LAMA4: variants seen among roughly 807,000 people sequenced by gnomAD.
LAMA4 encodes laminin subunit alpha 4.
In LAMA4, 127 loss-of-function variants were observed where a neutral mutation model predicts 207.1. The ratio of observed to expected loss-of-function variants is 0.61; its 90% CI spans 0.53 to 0.71. The LOEUF (loss-of-function observed/expected upper bound fraction) is 0.71, where lower values mean the gene tolerates loss of function less well. Ranked by LOEUF, LAMA4 falls within the 30% of genes least tolerant of loss-of-function variation. The pLI is 0.00. For missense variants in LAMA4, 2,093 were observed against 2,246.5 expected, an observed-to-expected ratio of 0.93 and a Z score of 1.38; for synonymous variants, 761 against 816.0, an observed-to-expected ratio of 0.93 and a Z score of 1.15.
intron 7 of LAMA4, among the ~76,000 whole-genome samples, chr6:112,187,872 G>C (rs2114942890): frequency 6.6e-6 from 1 of 152,246 alleles, no homozygotes; most frequent in African/African-American, 2.4e-5. Flanking sequence ...GGAGGGCACA[G>C]CTCCTCCTCA....
Position 112,253,988 on chromosome 6 carries a change from C to T in LAMA4, c.163G>A (p.Val55Met). 1 of 1,585,658 alleles carries T rather than the reference C, an allele frequency of 6.3e-7. No individual in the cohort carries two copies. Among genetic ancestry groups the T allele is most frequent in the Non-Finnish European group, 8.6e-7 (1 of 1,165,466 alleles). ...QDPPETSEPR[V>M]ALGRLPPAAE... ...GCAGGCGGCAGGCGTCCCAGAGCCA[C>T]GCGGGGTTCGCTCGTCTCAGGCGGG... The change falls in exon 2 of 39, where the codon GTG becomes ATG. Residue 55 changes from valine (V) to methionine (M), a missense_variant. Around this residue, in one of 3 missense-constraint regions of LAMA4, gnomAD observed 1,704 missense variants for 1,788.4 expected, o/e 0.95. Coordinates refer to ENST00000230538, the MANE Select transcript of LAMA4 (RefSeq NM_001105206.3).
In LAMA4 at chr6:112,119,289, C is replaced by A. The variant is rs1554325278; in HGVS notation, c.4688G>T (p.Ser1563Ile). 1.9e-6 allele frequency: 3 copies of A among 1,613,888 alleles called. No individual in the cohort carries two copies. The highest frequency in any genetic ancestry group is 2.5e-6 in the Non-Finnish European group (3 of 1,179,928). ...ACCATCAATTACCAGTCGGCCACTG[C>A]TCCTTTCTCGAATAAATATCACCTG... ...WHDVIFIRER[S>I]SGRLVIDGLR... Residue 1563 changes from serine to isoleucine, a missense_variant, in exon 34 of 39, where the codon AGC (serine) becomes ATC (isoleucine). This residue lies in a region of LAMA4 where 383 missense variants were observed against 437.8 expected (regional missense o/e 0.87). Coordinates refer to ENST00000230538, the MANE Select transcript of LAMA4 (RefSeq NM_001105206.3).
intron 2 of LAMA4, among the ~76,000 whole-genome samples, chr6:112,243,124 A>G (rs1037215768): frequency 1.3e-5 from 2 of 152,172 alleles, no homozygotes; most frequent in Non-Finnish European, 2.9e-5. Context: ...TGGGAGACCC[A>G]TGAACATTCA....
At chr6:112,112,209 G>T (rs1777743545) in intron 38 of LAMA4, among the ~76,000 whole-genome samples, 1 of 152,154 alleles carries the variant, frequency 6.6e-6, no homozygotes, top group Non-Finnish European at 1.5e-5. Flanking sequence ...AGTCCTAAAG[G>T]TCAATAGGAG....
intron 31 of LAMA4, among the ~76,000 whole-genome samples, chr6:112,125,339 G>T (rs1451838923): frequency 6.6e-6 from 1 of 152,154 alleles, no homozygotes; most frequent in Non-Finnish European, 1.5e-5. Context: ...CCAAGGAAGA[G>T]AATCTGATAG....
chr6:112,222,029 TG>T (rs1203211980), intron 2 of LAMA4, among the ~76,000 whole-genome samples: 3 of 152,218 alleles, frequency 2.0e-5, no homozygotes, highest in Non-Finnish European at 4.4e-5. Context: ...TGGCTCCATA[TG>T]TTTTTCAGAT....
chr6:112,178,389 A>T (rs1364185321), intron 9 of LAMA4, 157 bp from the exon 10 acceptor site: 3 of 653,392 alleles, frequency 4.6e-6, no homozygotes, highest in Non-Finnish European at 8.2e-6. Flanking sequence ...AAAATAATGC[A>T]TGAAAGGTAA....
chr6:112,238,248 T>C (rs543087965), intron 2 of LAMA4, among the ~76,000 whole-genome samples: 1 of 152,316 alleles, frequency 6.6e-6, no homozygotes, highest in East Asian at 1.9e-4. Context: ...CGTCTGTGTT[T>C]TACTCATCTT....
At chr6:112,212,782 C>A (rs79585416) in intron 3 of LAMA4, among the ~76,000 whole-genome samples, 1 of 152,150 alleles carries the variant, frequency 6.6e-6, no homozygotes, top group Non-Finnish European at 1.5e-5. Flanking sequence ...AAAACAGGAA[C>A]AAGAAGTCTC....
intron 15 of LAMA4, chr6:112,155,306 A>T (rs117080421): frequency 2.2e-4 from 116 of 523,718 alleles, no homozygotes; most frequent in Non-Finnish European, 3.5e-4. Flanking sequence ...TTAAATACAT[A>T]TTTTTTTTTT....
chr6:112,110,653 A>C (rs1477081715), intron 38 of LAMA4, among the ~76,000 whole-genome samples: 1 of 152,220 alleles, frequency 6.6e-6, no homozygotes. Flanking sequence ...AGTGTACTTC[A>C]TCATTTGGGT....
chr6:112,168,410 A>G (rs1212753038), intron 12 of LAMA4, among the ~76,000 whole-genome samples: 1 of 149,090 alleles, frequency 6.7e-6, no homozygotes, highest in East Asian at 2.0e-4. Context: ...CAATGGCACA[A>G]TCTTAGCTCA....
At chr6:112,194,628 G>A (rs1206430680) in intron 5 of LAMA4, among the ~76,000 whole-genome samples, 1 of 152,200 alleles carries the variant, frequency 6.6e-6, no homozygotes, top group Non-Finnish European at 1.5e-5. Context: ...TAAATGACTT[G>A]TTCATTGCTG....
intron 2 of LAMA4, among the ~76,000 whole-genome samples, chr6:112,225,443 G>C (rs1785158741): frequency 6.6e-6 from 1 of 152,228 alleles, no homozygotes; most frequent in Non-Finnish European, 1.5e-5. Context: ...ACTTCCAGAA[G>C]AGGGAATTCC....
Position 112,140,851 on chromosome 6 carries a change from T to G in LAMA4, c.2885A>C (p.Lys962Thr). The change falls in exon 22 of 39, where the codon AAA becomes ACA. Residue 962 changes from lysine to threonine, a missense_variant. Lys to Thr is a moderately conservative substitution (Grantham distance 78, BLOSUM62 -1). Transcript: ENST00000230538. Reference protein sequence around the residue: ...LSSTAEEKFIKKGEFSGDDSL... With the variant: ...LSSTAEEKFITKGEFSGDDSL... ...GTCATCTCCCGAAAATTCCCCCTTT[T>G]TAATGAACTTTTCCTCTGCTGTGCT... 6.2e-7 allele frequency: 1 copy of G among 1,614,064 alleles called. No homozygotes were observed. Among genetic ancestry groups the G allele is most frequent in the Non-Finnish European group, 8.5e-7 (1 of 1,179,944 alleles).
intron 16 of LAMA4, among the ~76,000 whole-genome samples, chr6:112,151,487 A>C (rs1780400758): frequency 1.3e-5 from 2 of 152,090 alleles, no homozygotes; most frequent in South Asian, 4.1e-4. Flanking sequence ...ATTTTTACAC[A>C]TTTTAATCTT....
Position 112,158,886 on chromosome 6 carries a change from G to C in LAMA4, c.1669-6C>G, listed in dbSNP as rs561096787. The C allele has an allele frequency of 8.1e-6, 13 of 1,597,940 alleles. No homozygotes were observed. The highest frequency in any genetic ancestry group is 1.1e-5 in the Non-Finnish European group (13 of 1,166,500). ...GCATAAATCCCTGACGCATTCTAAA[G>C]AAAAAAATTTTAATAAATACATTGA... On this transcript the variant is annotated splice_polypyrimidine_tract_variant and splice_region_variant and intron_variant, in intron 13 of 38. Transcript: ENST00000230538.
intron 38 of LAMA4, among the ~76,000 whole-genome samples, chr6:112,111,512 GTTT>G (rs1188712312): frequency 6.6e-6 from 1 of 152,106 alleles, no homozygotes; most frequent in African/African-American, 2.4e-5. Flanking sequence ...GCATTTAGGG[GTTT>G]TATTTAGCCT....
intron 4 of LAMA4, among the ~76,000 whole-genome samples, chr6:112,206,143 A>C (rs73542524): frequency 0.055 from 8,348 of 152,290 alleles, 725 homozygotes; most frequent in African/African-American, 0.19. Context: ...ATGAACTGTC[A>C]AACCTGAGGA....
Sources: allele counts gnomAD v4.1 joint callset (sites outside exome capture counted in the v4.1 genomes callset), GRCh38; gene constraint gnomAD v4.1.1; regional missense constraint gnomAD v4.1.1; transcripts MANE v1.5; gene names NCBI Gene and HGNC (gene_info 2026-07-23, HGNC 2026-07-21).